GRIA2: variants seen among roughly 807,000 people sequenced by gnomAD.
GRIA2 encodes the protein glutamate receptor 2.
In GRIA2, 14 loss-of-function variants were observed where a neutral mutation model predicts 97.3. The observed-to-expected ratio is 0.14, with a 90% CI of 0.10 to 0.23. GRIA2 has a LOEUF of 0.23. Ranked by LOEUF, GRIA2 falls within the 10% of genes least tolerant of loss-of-function variation. GRIA2 has a pLI of 1.00. For missense variants in GRIA2, 558 were observed against 1,069.8 expected (o/e 0.52, Z 6.67); for synonymous variants, 412 against 387.8 (o/e 1.06, Z -0.73).
At chr4:157,346,577 C>T (rs559102647) in intron 12 of GRIA2, among the ~76,000 whole-genome samples, 2 of 152,026 alleles carry the variant, frequency 1.3e-5, no homozygotes, top group African/African-American at 2.4e-5. Context: ...ATATGCAGAA[C>T]GTTACTCATA....
At chr4:157,220,708 AAG>A (rs1729450173), upstream of GRIA2, 1 of 336,154 alleles carries the variant, frequency 3.0e-6, no homozygotes, top group Non-Finnish European at 5.5e-6. Flanking sequence ...AGAGAGGGAG[AAG>A]AGAGCGCGAG....
At chr4:157,235,127 C>A (rs1730186636) in intron 2 of GRIA2, among the ~76,000 whole-genome samples, 1 of 152,054 alleles carries the variant, frequency 6.6e-6, no homozygotes, top group African/African-American at 2.4e-5. Flanking sequence ...ATATCCATGA[C>A]TTTGGATTTG....
At chr4:157,277,818 A>AGATATATGTATATATGTATATATATATG (rs1732395759) in intron 2 of GRIA2, among the ~76,000 whole-genome samples, 1 of 144,048 alleles carries the variant, frequency 6.9e-6, no homozygotes, top group East Asian at 2.0e-4. Context: ...TGTATGCTAT[A>AGATATATGTATATATGTATATATATATG]TATATATGTA....
rs186313490 is a variant in GRIA2, at chr4:157,240,149, G to A, written c.229+18342G>A. Among the ~76,000 whole-genome samples the A allele has an allele frequency of 1.3e-4, 19 of 151,932 alleles. No individual in the cohort carries two copies. The East Asian group carries it at 1.9e-3, about 16-fold the overall frequency. Reference sequence around the variant, plus strand: ...TTAAAATAATAAATCATATACACACGCACATATAAGTGTGCATGCATGCAT... The same window carrying A: ...TTAAAATAATAAATCATATACACACACACATATAAGTGTGCATGCATGCAT... On this transcript the variant is annotated intron_variant, in intron 2 of 15. Coordinates refer to ENST00000264426, the MANE Select transcript of GRIA2 (RefSeq NM_001083619.3).
chr4:157,230,117 G>A (rs1245742614), intron 2 of GRIA2, among the ~76,000 whole-genome samples: 1 of 152,082 alleles, frequency 6.6e-6, no homozygotes, highest in East Asian at 1.9e-4. Context: ...TAAATAACTT[G>A]ATATAAGAAA....
chr4:157,303,780 A>G lies in GRIA2; in HGVS notation c.458A>G (p.Asp153Gly). The change falls in exon 3 of 16, where the codon GAC becomes GGC. Residue 153 changes from aspartate to glycine, a missense_variant. Around this residue, in one of 8 missense-constraint regions of GRIA2, gnomAD observed 173 missense variants for 209.1 expected, o/e 0.83. Coordinates refer to ENST00000264426, the MANE Select transcript of GRIA2 (RefSeq NM_001083619.3). ...YQWDKFAYLY[D>G]SDRGLSTLQA... The stretch of plus-strand genomic sequence containing the variant: ...TGGGACAAGTTTGCATACCTCTATG[A>G]CAGTGACAGAGGTAAGTGACAGTAT... The G allele has an allele frequency of 6.2e-7, 1 of 1,613,880 alleles. No individual in the cohort carries two copies. The highest frequency in any genetic ancestry group is 2.2e-5 in the East Asian group (1 of 44,860).
chr4:157,338,237 C>A (rs556024118), intron 11 of GRIA2, among the ~76,000 whole-genome samples: 119 of 151,356 alleles, frequency 7.9e-4, no homozygotes, highest in Non-Finnish European at 1.4e-3. Flanking sequence ...GTGGTTCTCC[C>A]TTTGGTAAGA....
In GRIA2 at chr4:157,230,579, T is replaced by C. The variant is rs111990983; in HGVS notation, c.229+8772T>C. ...CCTTCTTTCCTTCCTTCCTTCCTTC[T>C]TTCCTTCCTTCCTTCCTTCTTCCTT... is the stretch of plus-strand genomic sequence containing the variant. On this transcript the variant is annotated intron_variant, in intron 2 of 15. Transcript: ENST00000264426. Among the ~76,000 whole-genome samples, 769 of 135,864 alleles carry C rather than the reference T, an allele frequency of 5.7e-3. 9 individuals carry two copies. The highest frequency in any genetic ancestry group is 8.2e-3 in the Non-Finnish European group (532 of 64,540). The allele number at this position is 135,864 out of a possible 152,430, so 89.1% of individuals were successfully genotyped here. A position where few individuals can be genotyped will look rare whatever the true frequency, so the allele number is the denominator to read the frequency against.
chr4:157,354,235 A>G (rs1452084006), intron 12 of GRIA2, among the ~76,000 whole-genome samples: 2 of 152,140 alleles, frequency 1.3e-5, no homozygotes, highest in South Asian at 4.1e-4. Flanking sequence ...TTTTTGTGTA[A>G]AATAAAATTA....
intron 2 of GRIA2, among the ~76,000 whole-genome samples, chr4:157,253,788 T>C (rs1731120036): frequency 6.6e-6 from 1 of 152,122 alleles, no homozygotes; most frequent in Non-Finnish European, 1.5e-5. Context: ...GAATTTTAAC[T>C]AGTGCTGAGA....
In GRIA2 at chr4:157,303,542, A is replaced by G. The variant is rs747442420; in HGVS notation, c.230-10A>G. The stretch of plus-strand genomic sequence containing the variant: ...ATGATTTTTCCTTTCTATTTTTCCT[A>G]TTCTTCTAGTCTGCTCCCAGTTTTC... On this transcript the variant is annotated splice_polypyrimidine_tract_variant and intron_variant, in intron 2 of 15. Transcript: ENST00000264426. The G allele has an allele frequency of 4.2e-5, 67 of 1,609,062 alleles. No individual in the cohort carries two copies. Among genetic ancestry groups the G allele is most frequent in the Non-Finnish European group, 5.4e-5 (63 of 1,176,136 alleles).
intron 6 of GRIA2, 114 bp from the exon 7 acceptor site, chr4:157,332,705 T>G (rs1735109555): frequency 1.5e-6 from 1 of 673,554 alleles, no homozygotes; most frequent in Non-Finnish European, 2.5e-6. Flanking sequence ...TGTGTTTAAA[T>G]TCTTGGACTT....
chr4:157,312,788 A>G lies in GRIA2; in HGVS notation c.579A>G (p.Arg193=), dbSNP rs1420449970. Residue 193 remains arginine, a synonymous_variant, in exon 4 of 16, where the codon CGA becomes CGG. Transcript: ENST00000264426. ...INNDKKDEMY[R]SLFQDLELKK... Reference sequence around the variant, plus strand: ...ATGACAAGAAAGATGAGATGTACCGATCACTTTTTCAAGATCTGGAGTTAA... The same window carrying G: ...ATGACAAGAAAGATGAGATGTACCGGTCACTTTTTCAAGATCTGGAGTTAA... 1.1e-5 allele frequency: 17 copies of G among 1,610,588 alleles called. No individual in the cohort carries two copies. Among genetic ancestry groups the G allele is most frequent in the Non-Finnish European group, 1.4e-5 (16 of 1,177,274 alleles).
intron 2 of GRIA2, among the ~76,000 whole-genome samples, chr4:157,256,226 AATATATAATAT>A (rs1561013210): frequency 8.3e-6 from 1 of 119,872 alleles, no homozygotes; most frequent in African/African-American, 3.4e-5. Flanking sequence ...TATAATATAT[AATATATAATAT>A]ATATATATAA....
intron 6 of GRIA2, among the ~76,000 whole-genome samples, chr4:157,322,283 A>G (rs1034180804): frequency 1.3e-5 from 2 of 148,606 alleles, no homozygotes; most frequent in Admixed American, 6.7e-5. Flanking sequence ...GTGTGTGTGT[A>G]TAAAATAACA....
At chr4:157,239,952 T>A (rs1044853263) in intron 2 of GRIA2, among the ~76,000 whole-genome samples, 2 of 152,112 alleles carry the variant, frequency 1.3e-5, no homozygotes, top group African/African-American at 4.8e-5. Context: ...GAGACTTTAT[T>A]CATCTTCCTT....
At position 157,321,479 on chromosome 4, in the gene GRIA2, T is replaced by C; in HGVS notation, c.762T>C (p.Gly254=). Residue 254 remains glycine (G), a synonymous_variant, in exon 6 of 16, where the codon GGT becomes GGC. Coordinates refer to ENST00000264426, the MANE Select transcript of GRIA2 (RefSeq NM_001083619.3). The part of the protein sequence containing the change: ...DGDLLKIQFG[G]ANVSGFQIVD... The stretch of plus-strand genomic sequence containing the variant: ...ACCTATTAAAAATCCAGTTTGGAGG[T>C]GCAAATGTCTCTGGATTTCAGATAG... 3 of 1,609,970 alleles carry C rather than the reference T, an allele frequency of 1.9e-6. No individual in the cohort carries two copies. Among genetic ancestry groups the C allele is most frequent in the Non-Finnish European group, 2.5e-6 (3 of 1,176,498 alleles).
chr4:157,362,485 G>A lies in GRIA2; in HGVS notation c.2407-314G>A, dbSNP rs1218154590. The A allele has an allele frequency of 1.8e-5, 9 of 492,272 alleles. No individual in the cohort carries two copies. The Admixed American group carries it at 2.1e-4, about 11-fold the overall frequency. The allele number at this position is 492,272 out of a possible 1,614,324, so 30.5% of individuals were successfully genotyped here. On this transcript the variant is annotated intron_variant, in intron 14 of 15. Coordinates refer to ENST00000264426, the MANE Select transcript of GRIA2 (RefSeq NM_001083619.3). The stretch of plus-strand genomic sequence containing the variant: ...TCTTGTACCTTCAATTTTTCCCACG[G>A]TAATGGAATATAACTATTTATCAAT...
chr4:157,289,869 C>G (rs1347576857), intron 2 of GRIA2, among the ~76,000 whole-genome samples: 1 of 151,736 alleles, frequency 6.6e-6, no homozygotes, highest in African/African-American at 2.4e-5. Context: ...TATCACTACT[C>G]TGGAATTTAT....
Sources: gnomAD v4.1 joint callset for allele counts (sites outside exome capture counted in the v4.1 genomes callset) on GRCh38, gnomAD v4.1.1 for gene constraint, gnomAD v4.1.1 regional missense constraint, MANE v1.5 for transcripts, NCBI Gene and HGNC (gene_info 2026-07-23, HGNC 2026-07-21) for gene names.